Variants in MLLT10 observed in about 807,000 individuals in gnomAD.
MLLT10 encodes MLLT10 histone lysine methyltransferase DOT1L cofactor.
In MLLT10, 30 loss-of-function variants were observed where a neutral mutation model predicts 129.1. The observed-to-expected ratio is 0.23, with a 90% CI of 0.17 to 0.32. MLLT10 has a LOEUF of 0.32. Among genes scored for constraint, MLLT10 ranks in the 10% least tolerant of loss-of-function variants. The pLI is 1.00. For missense variants in MLLT10, 1,119 were observed against 1,268.3 expected, an observed-to-expected ratio of 0.88 and a Z score of 1.79; for synonymous variants, 490 against 446.4, an observed-to-expected ratio of 1.10 and a Z score of -1.23.
chr10:21,634,498 TCTA>T (rs2047283135), intron 8 of MLLT10, among the ~76,000 whole-genome samples: 1 of 152,254 alleles, frequency 6.6e-6, no homozygotes, highest in African/African-American at 2.4e-5. Flanking sequence ...GTCTACCAGA[TCTA>T]CTGTGAAGCT....
At chr10:21,731,381 A>C (rs1050770719) in intron 17 of MLLT10, among the ~76,000 whole-genome samples, 4 of 152,100 alleles carry the variant, frequency 2.6e-5, no homozygotes, top group Admixed American at 2.0e-4. Context: ...AATGACATGA[A>C]AAATGTAAGG....
rs1833873036 is a variant in MLLT10, at chr10:21,743,079, GC to G, written c.*1099del. ...TGAAACAGGTGAAACCTGTATGACA[GC>G]CCTTCCACTTTGGGGAGCCACGCTT... On this transcript the variant is annotated 3_prime_UTR_variant, in exon 23 of 23. Coordinates refer to ENST00000307729, the MANE Select transcript of MLLT10 (RefSeq NM_001195626.3). The G allele has an allele frequency of 8.7e-6, 2 of 230,566 alleles. No individual in the cohort carries two copies. Among genetic ancestry groups the G allele is most frequent in the Non-Finnish European group, 1.7e-5 (2 of 116,396 alleles). The allele number at this position is 230,566 out of a possible 1,614,324, so 14.3% of individuals were successfully genotyped here. A position where few individuals can be genotyped will look rare whatever the true frequency, so the allele number is the denominator to read the frequency against.
At chr10:21,595,951 T>G (rs2042980936) in intron 5 of MLLT10, among the ~76,000 whole-genome samples, 3 of 152,058 alleles carry the variant, frequency 2.0e-5, no homozygotes, top group Non-Finnish European at 4.4e-5. Flanking sequence ...CTTCATTTAG[T>G]ACATATATAT....
At chr10:21,656,591 C>T (rs1040007816) in intron 9 of MLLT10, among the ~76,000 whole-genome samples, 2 of 152,176 alleles carry the variant, frequency 1.3e-5, no homozygotes, top group South Asian at 4.2e-4. Context: ...TTTTAGTGCA[C>T]TTTTTCTGTG....
chr10:21,615,326 G>A (rs1180707449), intron 7 of MLLT10, among the ~76,000 whole-genome samples: 4 of 151,606 alleles, frequency 2.6e-5, no homozygotes, highest in East Asian at 3.9e-4. Context: ...GTGTGCTGGT[G>A]CATGCCTGTA....
intron 13 of MLLT10, among the ~76,000 whole-genome samples, chr10:21,694,369 A>G (rs2054163401): frequency 6.6e-6 from 1 of 152,162 alleles, no homozygotes; most frequent in African/African-American, 2.4e-5. Context: ...GGGGGCAGGA[A>G]TTTTATAGAA....
chr10:21,683,984 A>G (rs2131410523), intron 13 of MLLT10, among the ~76,000 whole-genome samples: 1 of 151,892 alleles, frequency 6.6e-6, no homozygotes, highest in South Asian at 2.1e-4. Context: ...GTTTACAGCT[A>G]TATAATTTTA....
At chr10:21,677,685 C>A (rs1271657518) in intron 11 of MLLT10, among the ~76,000 whole-genome samples, 2 of 152,134 alleles carry the variant, frequency 1.3e-5, no homozygotes, top group East Asian at 1.9e-4. Flanking sequence ...GGTGTTGAAT[C>A]CCCAGATGTG....
intron 21 of MLLT10, among the ~76,000 whole-genome samples, chr10:21,736,670 TGA>T (rs1191028163): frequency 3.9e-5 from 6 of 152,210 alleles, no homozygotes; most frequent in Admixed American, 2.0e-4. Flanking sequence ...TGACTTTTAC[TGA>T]GATGTGGGAG....
chr10:21,542,019 C>T (rs961926921), intron 3 of MLLT10, among the ~76,000 whole-genome samples: 2 of 152,048 alleles, frequency 1.3e-5, no homozygotes, highest in South Asian at 2.1e-4. Flanking sequence ...GTGAATAGGT[C>T]ACTACGCAGT....
At chr10:21,732,806 TTTAAC>T (rs2058070701) in intron 17 of MLLT10, 88 bp from the exon 18 acceptor site, 1 of 1,016,790 alleles carries the variant, frequency 9.8e-7, no homozygotes, top group African/African-American at 1.6e-5. Context: ...ACTGTTCTAT[TTTAAC>T]TTATTTCTAA....
chr10:21,677,988 T>G (rs1161307526), intron 11 of MLLT10, among the ~76,000 whole-genome samples: 1 of 152,232 alleles, frequency 6.6e-6, no homozygotes, highest in Admixed American at 6.5e-5. Flanking sequence ...ATACCATTAG[T>G]TGTCTCGTGA....
intron 10 of MLLT10, 34 bp from the exon 11 acceptor site, chr10:21,673,314 CCA>C: frequency 1.5e-6 from 1 of 657,220 alleles, no homozygotes; most frequent in East Asian, 4.2e-5. Context: ...CCCCCACCCC[CCA>C]ACTTTTTTTT....
chr10:21,685,301 G>A (rs1288148790), intron 13 of MLLT10, among the ~76,000 whole-genome samples: 2 of 152,044 alleles, frequency 1.3e-5, no homozygotes, highest in African/African-American at 2.4e-5. Context: ...ACTTATTCTG[G>A]AAAAATTAAT....
intron 8 of MLLT10, among the ~76,000 whole-genome samples, chr10:21,632,586 A>T (rs995920351): frequency 2.0e-5 from 3 of 152,224 alleles, no homozygotes; most frequent in African/African-American, 7.2e-5. Flanking sequence ...AATCCTTGGG[A>T]AAACAGAATT....
chr10:21,581,705 A>G (rs1337561657), intron 3 of MLLT10, among the ~76,000 whole-genome samples: 1 of 152,160 alleles, frequency 6.6e-6, no homozygotes, highest in African/African-American at 2.4e-5. Context: ...CTATGTACAC[A>G]TTCTCTTTCT....
Position 21,538,972 on chromosome 10 carries a change from G to A in MLLT10, c.240+60G>A, listed in dbSNP as rs937074685. The A allele has an allele frequency of 9.9e-6, 12 of 1,214,456 alleles. No individual in the cohort carries two copies. In the East Asian group the frequency reaches 1.2e-4, roughly 12 times the overall value. 75.2% of individuals were successfully genotyped at this position (1,214,456 alleles called of 1,614,324 possible). On this transcript the variant is annotated intron_variant, in intron 3 of 22. Transcript: ENST00000307729. Reference sequence around the variant, plus strand: ...TGAGTAGGTTAGGAAATTAGGAACTGCACTCCTGTTGTGGTTTGTGGGGTT... The same window carrying A: ...TGAGTAGGTTAGGAAATTAGGAACTACACTCCTGTTGTGGTTTGTGGGGTT...
At chr10:21,618,843 G>A (rs1455425947) in intron 8 of MLLT10, among the ~76,000 whole-genome samples, 1 of 151,788 alleles carries the variant, frequency 6.6e-6, no homozygotes, top group Non-Finnish European at 1.5e-5. Flanking sequence ...AGTGATTGTC[G>A]TGCCTCAGCC....
intron 5 of MLLT10, among the ~76,000 whole-genome samples, chr10:21,596,837 T>C (rs2043063327): frequency 1.3e-5 from 2 of 152,090 alleles, no homozygotes; most frequent in Admixed American, 1.3e-4. Flanking sequence ...GTGTGTGTTT[T>C]TTCCCATAAT....
Sources: gnomAD v4.1 joint callset for allele counts (sites outside exome capture counted in the v4.1 genomes callset) on GRCh38, gnomAD v4.1.1 for gene constraint, MANE v1.5 for transcripts, NCBI Gene and HGNC (gene_info 2026-07-23, HGNC 2026-07-21) for gene names.